Variants in PPP3R1 observed in about 807,000 individuals in gnomAD.
The protein encoded by PPP3R1 is calcineurin subunit B type 1.
PPP3R1 carries 5 observed loss-of-function variants against 22.6 expected under a neutral mutation model. The ratio of observed to expected loss-of-function variants is 0.22; its 90% CI spans 0.12 to 0.46. The LOEUF is 0.46. PPP3R1 is among the 20% of genes least tolerant of loss of function. The pLI is 0.99. For missense variants in PPP3R1, 61 were observed against 203.2 expected, an observed-to-expected ratio of 0.30 and a Z score of 4.25; for synonymous variants, 56 against 65.2, an observed-to-expected ratio of 0.86 and a Z score of 0.68.
intron 5 of PPP3R1, among the ~76,000 whole-genome samples, chr2:68,184,461 T>C (rs899481471): frequency 6.6e-6 from 1 of 152,214 alleles, no homozygotes; most frequent in East Asian, 1.9e-4. Context: ...TTCTAATTCA[T>C]TGCATTTTAT....
At chr2:68,182,538 A>G (rs12468156) in intron 5 of PPP3R1, among the ~76,000 whole-genome samples, 38,745 of 151,740 alleles carry the variant, frequency 0.26, 5,260 homozygotes, top group African/African-American at 0.33. Flanking sequence ...TTTTTCAGCC[A>G]GGTGCGGTGT....
At chr2:68,244,022 C>G (rs1239734063) in intron 1 of PPP3R1, among the ~76,000 whole-genome samples, 12 of 151,972 alleles carry the variant, frequency 7.9e-5, no homozygotes, top group South Asian at 2.1e-4. Context: ...TTAGATCTTT[C>G]AATATCATTT....
At chr2:68,230,009 C>CACACACACACAT (rs1393147994) in intron 1 of PPP3R1, among the ~76,000 whole-genome samples, 2 of 135,188 alleles carry the variant, frequency 1.5e-5, no homozygotes, top group Non-Finnish European at 1.6e-5. Flanking sequence ...CACACACACA[C>CACACACACACAT]ACATATATAT....
At position 68,188,539 on chromosome 2, in the gene PPP3R1, A is replaced by G. The variant is rs763101811; in HGVS notation, c.195T>C (p.Asp65=). ...CTTTAAAGTCTACTTCTCCATTCCC[A>G]TCTGTGTCGAATATATCTATTACTC... is the stretch of plus-strand genomic sequence containing the variant. ...VQRVIDIFDT[D]GNGEVDFKEF... is the part of the protein sequence containing the mutation. The change falls in exon 3 of 6, where the codon GAT becomes GAC. Residue 65 remains aspartate, a synonymous_variant. Transcript: ENST00000234310. 1 of 1,607,332 alleles carries G rather than the reference A, an allele frequency of 6.2e-7. No individual in the cohort carries two copies. Among genetic ancestry groups the G allele is most frequent in the South Asian group, 1.1e-5 (1 of 89,290 alleles).
At chr2:68,199,130 A>G (rs944686756) in intron 2 of PPP3R1, among the ~76,000 whole-genome samples, 2 of 151,872 alleles carry the variant, frequency 1.3e-5, no homozygotes, top group Admixed American at 6.6e-5. Context: ...TGCCCAGCTA[A>G]TTTTTTTATT....
chr2:68,188,431 CTTTTT>C, intron 3 of PPP3R1, 78 bp downstream of exon 3: 7 of 957,838 alleles, frequency 7.3e-6, no homozygotes, highest in South Asian at 2.5e-5. Context: ...AATATAAGCA[CTTTTT>C]TTTTTTTTTT....
At chr2:68,221,350 G>A (rs1189211167) in intron 1 of PPP3R1, among the ~76,000 whole-genome samples, 1 of 150,408 alleles carries the variant, frequency 6.6e-6, no homozygotes, top group African/African-American at 2.4e-5. Flanking sequence ...ACAAAAACAC[G>A]AGCCAGGCAT....
At chr2:68,241,316 ATTTT>A (rs779946655) in intron 1 of PPP3R1, among the ~76,000 whole-genome samples, 8 of 151,774 alleles carry the variant, frequency 5.3e-5, no homozygotes, top group Non-Finnish European at 1.0e-4. Context: ...GTTATTTTTT[ATTTT>A]TTTTCCCCAA....
intron 5 of PPP3R1, 145 bp downstream of exon 5, chr2:68,186,323 G>T (rs959984330): frequency 2.8e-6 from 2 of 707,968 alleles, no homozygotes; most frequent in African/African-American, 3.6e-5. Context: ...TTACAATGAA[G>T]AACACATTTC....
chr2:68,239,475 A>C (rs1344898340), intron 1 of PPP3R1, among the ~76,000 whole-genome samples: 2 of 152,226 alleles, frequency 1.3e-5, no homozygotes, highest in Non-Finnish European at 2.9e-5. Context: ...TAAGAAAAAA[A>C]CAGAGAATAA....
chr2:68,182,268 C>G (rs1462474876), intron 5 of PPP3R1, among the ~76,000 whole-genome samples: 1 of 152,202 alleles, frequency 6.6e-6, no homozygotes, highest in Admixed American at 6.5e-5. Flanking sequence ...TATTTGAAAA[C>G]TAAAGCATAA....
At chr2:68,202,044 GATT>G (rs1674988492) in intron 2 of PPP3R1, among the ~76,000 whole-genome samples, 1 of 151,834 alleles carries the variant, frequency 6.6e-6, no homozygotes, top group African/African-American at 2.4e-5. Context: ...TTATTTCACT[GATT>G]ATTTCCCCTT....
chr2:68,227,204 ATTTC>A (rs1669799071), intron 1 of PPP3R1, among the ~76,000 whole-genome samples: 2 of 152,026 alleles, frequency 1.3e-5, no homozygotes, highest in Non-Finnish European at 2.9e-5. Context: ...TTGCCAGAAA[ATTTC>A]TTTATTTTCC....
rs114269546 is a variant in PPP3R1 at position 68,188,726 on chromosome 2, A to T, written c.44-36T>A. ...ACAAAAAAGGAAGCAAGAATTTTTT[A>T]AAAATGTTCCCAAATCCTTTCTAAT... On this transcript the variant is annotated intron_variant, in intron 2 of 5. Transcript: ENST00000234310. 1.3e-3 allele frequency: 2,056 copies of T among 1,523,914 alleles called. 15 individuals carry two copies. In the African/African-American group the frequency reaches 0.02, roughly 15 times the overall value. 94.4% of individuals were successfully genotyped at this position (1,523,914 alleles called of 1,614,324 possible).
Position 68,179,009 on chromosome 2 carries a change from A to AAAAAAAAAAAAAAAAAAAAAG in PPP3R1, c.*1953_*1954insCTTTTTTTTTTTTTTTTTTTT, listed in dbSNP as rs1553403013. ...CACACACAAACTAAAAAAAAAAAAA[A>AAAAAAAAAAAAAAAAAAAAAG]AAAAAAAGAAAAAGAAAAAACCCTC... On this transcript the variant is annotated 3_prime_UTR_variant, in exon 6 of 6. Transcript: ENST00000234310. The AAAAAAAAAAAAAAAAAAAAAG allele has an allele frequency of 5.7e-5, 7 of 122,518 alleles. No homozygotes were observed. Among genetic ancestry groups the AAAAAAAAAAAAAAAAAAAAAG allele is most frequent in the Admixed American group, 8.7e-5 (1 of 11,520 alleles). The allele number at this position is 122,518 out of a possible 1,614,324, so 7.6% of individuals were successfully genotyped here. A position where few individuals can be genotyped will look rare whatever the true frequency, so the allele number is the denominator to read the frequency against.
intron 1 of PPP3R1, among the ~76,000 whole-genome samples, chr2:68,222,583 A>G (rs1669703956): frequency 6.6e-6 from 1 of 152,176 alleles, no homozygotes; most frequent in Admixed American, 6.5e-5. Context: ...CCTTACCTCA[A>G]TGCCCCTGGT....
intron 1 of PPP3R1, among the ~76,000 whole-genome samples, chr2:68,223,383 G>A (rs747022596): frequency 2.4e-4 from 36 of 152,126 alleles, no homozygotes; most frequent in African/African-American, 8.0e-4. Context: ...GCAACAGTGC[G>A]AGACTCTGTC....
intron 2 of PPP3R1, among the ~76,000 whole-genome samples, chr2:68,206,262 AAAGT>A (rs1165959311): frequency 6.6e-6 from 1 of 152,194 alleles, no homozygotes; most frequent in Non-Finnish European, 1.5e-5. Context: ...GAAACTTAAC[AAAGT>A]AAGATCCTAG....
chr2:68,241,801 A>G (rs891562719), intron 1 of PPP3R1, among the ~76,000 whole-genome samples: 2 of 149,380 alleles, frequency 1.3e-5, no homozygotes, highest in African/African-American at 5.0e-5. Context: ...CCGAGATTGC[A>G]CCACTGTACT....
Sources: gnomAD v4.1 joint callset for allele counts (sites outside exome capture counted in the v4.1 genomes callset) on GRCh38, gnomAD v4.1.1 for gene constraint, MANE v1.5 for transcripts, NCBI Gene and HGNC (gene_info 2026-07-23, HGNC 2026-07-21) for gene names.